Variants in PTPN23 observed in about 807,000 individuals in gnomAD.
The protein encoded by PTPN23 is tyrosine-protein phosphatase non-receptor type 23.
Under a neutral mutation model 156.3 loss-of-function variants are expected in PTPN23, and 72 were observed. The observed-to-expected ratio is 0.46, with a 90% CI of 0.38 to 0.56. PTPN23 has a LOEUF of 0.56. Among genes scored for constraint, PTPN23 ranks in the 20% least tolerant of loss-of-function variants. The pLI, the probability that PTPN23 is intolerant of heterozygous loss-of-function variation, is 0.00. For synonymous variants in PTPN23, 957 were observed against 899.6 expected, an observed-to-expected ratio of 1.06 and a Z score of -1.14; for missense variants, 1,974 against 2,171.5, an observed-to-expected ratio of 0.91 and a Z score of 1.81.
At chr3:47,389,840 C>CAAA (rs34520125) in intron 1 of PTPN23, among the ~76,000 whole-genome samples, 3 of 32,334 alleles carry the variant, frequency 9.3e-5, no homozygotes, top group Non-Finnish European at 2.0e-4. Context: ...GACTCCGTCT[C>CAAA]AAAAAAAAAA....
rs1455715076 is a variant in PTPN23 at position 47,412,711 on chromosome 3, C to T, written c.4437C>T (p.His1479=). Residue 1479 remains histidine, a synonymous_variant, in exon 25 of 25, where the codon CAC becomes CAT. Coordinates refer to ENST00000265562, the MANE Select transcript of PTPN23 (RefSeq NM_015466.4). ...CACTCACTCTGTCTTCTCAGAACCA[C>T]CTTCCTCAGGACTCCCAGGACCTGG... is the stretch of plus-strand genomic sequence containing the variant. ...LASASISQKN[H]LPQDSQDLVL... is the part of the protein sequence containing the mutation. The T allele has an allele frequency of 3.8e-6, 6 of 1,597,352 alleles. No individual in the cohort carries two copies. Among genetic ancestry groups the T allele is most frequent in the Non-Finnish European group, 5.1e-6 (6 of 1,169,312 alleles).
At position 47,406,682 on chromosome 3, in the gene PTPN23, G is replaced by C; in HGVS notation, c.760-21G>C. The C allele has an allele frequency of 6.2e-7, 1 of 1,614,014 alleles. No homozygotes were observed. Among genetic ancestry groups the C allele is most frequent in the Non-Finnish European group, 8.5e-7 (1 of 1,179,984 alleles). ...GCCACAGCTCAGGAAGCAAGTCGTG[G>C]CGTCTCTTCTTCTTTCCCAGCTGCA... On this transcript the variant is annotated intron_variant, in intron 8 of 24. Transcript: ENST00000265562. This position sits in a 1 kb window ranked among gnomAD's most constrained non-coding sequence, Gnocchi z 5.8.
At position 47,412,236 on chromosome 3, in the gene PTPN23, C is replaced by G. The variant is rs768974271; in HGVS notation, c.4178+38C>G. 8.7e-6 allele frequency: 14 copies of G among 1,613,198 alleles called. No individual in the cohort carries two copies. The African/African-American group carries it at 1.6e-4, about 18-fold the overall frequency. ...CCTGAGGGTCTCTCCTCTATGGGCT[C>G]TTGGCCTAGCCTCATACCCCGGCCT... On this transcript the variant is annotated intron_variant, in intron 22 of 24. Transcript: ENST00000265562.
chr3:47,411,936 G>T lies in PTPN23; in HGVS notation c.4042G>T (p.Val1348Leu). Reference protein sequence around the residue: ...FRDQSLKRSLVHLHFPTWPEL... With the variant: ...FRDQSLKRSLLHLHFPTWPEL... Reference sequence around the variant, plus strand: ...AGACCAGAGCCTCAAGCGCTCTCTTGTGCACCTGCACTTCCCCACTTGGCC... The same window carrying T: ...AGACCAGAGCCTCAAGCGCTCTCTTTTGCACCTGCACTTCCCCACTTGGCC... The change falls in exon 21 of 25, where the codon GTG becomes TTG. Residue 1348 changes from valine (V) to leucine (L), a missense_variant. Transcript: ENST00000265562. This position sits in a 1 kb window ranked among gnomAD's most constrained non-coding sequence, Gnocchi z 6.3. 6.2e-7 allele frequency: 1 copy of T among 1,612,970 alleles called. No homozygotes were observed. The highest frequency in any genetic ancestry group is 2.2e-5 in the East Asian group (1 of 44,876).
chr3:47,395,093 A>G (rs1704851469), intron 1 of PTPN23, among the ~76,000 whole-genome samples: 1 of 152,206 alleles, frequency 6.6e-6, no homozygotes, highest in South Asian at 2.1e-4. Context: ...CCAGGCAGAC[A>G]GAAGCTGTCA....
Position 47,412,166 on chromosome 3 carries a change from G to T in PTPN23, c.4146G>T (p.Arg1382=). 1 of 1,613,212 alleles carries T rather than the reference G, an allele frequency of 6.2e-7. No individual in the cohort carries two copies. Among genetic ancestry groups the T allele is most frequent in the Non-Finnish European group, 8.5e-7 (1 of 1,180,038 alleles). The change falls in exon 22 of 25, where the codon CGG becomes CGT. Residue 1382 remains arginine, a synonymous_variant. Transcript: ENST00000265562. ...TGCACGCACATTACCTGCATCAGCG[G>T]CCGCTGCACACGCCCATCATTGTGC... The part of the protein sequence containing the change: ...QEVHAHYLHQ[R]PLHTPIIVHC...
At chr3:47,388,280 C>T (rs1254622759) in intron 1 of PTPN23, among the ~76,000 whole-genome samples, 1 of 152,170 alleles carries the variant, frequency 6.6e-6, no homozygotes, top group South Asian at 2.1e-4. Context: ...ACGATCTTGG[C>T]ACACTGCAGC....
chr3:47,412,389 C>T lies in PTPN23; in HGVS notation c.4285C>T (p.Arg1429Trp), dbSNP rs200695676. ...GCTGCCTCAGCTGGTGCGGCGCATG[C>T]GGCAGCAGAGAAAGCACATGCTGCA... ...PELPQLVRRM[R>W]QQRKHMLQEK... Residue 1429 changes from arginine to tryptophan, a missense_variant, in exon 23 of 25, where the codon CGG becomes TGG. Arg to Trp is a moderately radical substitution (Grantham distance 101). Coordinates refer to ENST00000265562, the MANE Select transcript of PTPN23 (RefSeq NM_015466.4). 26 of 1,612,986 alleles carry T rather than the reference C, an allele frequency of 1.6e-5. No individual in the cohort carries two copies. The highest frequency in any genetic ancestry group is 1.7e-5 in the Admixed American group (1 of 60,004).
At position 47,412,874 on chromosome 3, in the gene PTPN23, C is replaced by T. The variant is rs2107729633; in HGVS notation, c.4600C>T (p.Leu1534Phe). The T allele has an allele frequency of 1.2e-6, 2 of 1,612,322 alleles. No individual in the cohort carries two copies. The highest frequency in any genetic ancestry group is 1.3e-5 in the African/African-American group (1 of 74,988). Residue 1534 changes from leucine (L) to phenylalanine (F), a missense_variant, in exon 25 of 25, where the codon CTC (leucine) becomes TTC (phenylalanine). Leu to Phe is a conservative substitution (Grantham distance 22). Transcript: ENST00000265562. ...GCCCCCAGGCCTCCCGCCAGCCAGCCTCCCAGAGTCTACCCCAATCCCATC... is the reference window on the plus strand; with the variant it reads ...GCCCCCAGGCCTCCCGCCAGCCAGCTTCCCAGAGTCTACCCCAATCCCATC... Reference protein sequence around the residue: ...AEPPGLPPASLPESTPIPSSS... With the variant: ...AEPPGLPPASFPESTPIPSSS...
At position 47,411,338 on chromosome 3, in the gene PTPN23, C is replaced by G. The variant is rs769105075; in HGVS notation, c.3540C>G (p.Ala1180=). Residue 1180 remains alanine (A), a synonymous_variant, in exon 20 of 25, where the codon GCC becomes GCG. Transcript: ENST00000265562. The surrounding 1 kb of genome is among the most constrained non-coding windows in gnomAD (Gnocchi z 6.3). ...GGCAGTTGCAGCAGGAGCTGGAGGC[C>G]TTTCGGGGTCAGCTGGGGGATGTGG... ...RLRQLQQELE[A]FRGQLGDVGA... is the part of the protein sequence containing the mutation. 4.3e-6 allele frequency: 7 copies of G among 1,612,932 alleles called. No individual in the cohort carries two copies. The highest frequency in any genetic ancestry group is 5.1e-6 in the Non-Finnish European group (6 of 1,180,018).
chr3:47,412,878 CAG>C lies in PTPN23; in HGVS notation c.4607_4608del (p.Glu1536ValfsTer18), dbSNP rs1232002021. 1 of 1,612,194 alleles carries C rather than the reference CAG, an allele frequency of 6.2e-7. No individual in the cohort carries two copies. Among genetic ancestry groups the C allele is most frequent in the Non-Finnish European group, 8.5e-7 (1 of 1,178,876 alleles). On this transcript the variant is annotated frameshift_variant, in exon 25 of 25. Coordinates refer to ENST00000265562, the MANE Select transcript of PTPN23 (RefSeq NM_015466.4). LOFTEE classifies it high-confidence loss of function. ...CCAGGCCTCCCGCCAGCCAGCCTCC[CAG>C]AGTCTACCCCAATCCCATCTTCCTC... is the stretch of plus-strand genomic sequence containing the variant.
chr3:47,404,839 C>T, intron 3 of PTPN23, 60 bp downstream of exon 3: 1 of 1,590,556 alleles, frequency 6.3e-7, no homozygotes, highest in Non-Finnish European at 8.6e-7. Context: ...GGGGGTGCTC[C>T]TCCCCTCCCT....
In PTPN23 at chr3:47,412,706, AACCACCTTCCTCAGG is replaced by A. The variant is rs752850409; in HGVS notation, c.4435_4449del (p.His1479_Asp1483del). The A allele has an allele frequency of 1.3e-6, 2 of 1,597,360 alleles. No homozygotes were observed. The highest frequency in any genetic ancestry group is 1.7e-6 in the Non-Finnish European group (2 of 1,169,336). ...CTCCTCACTCACTCTGTCTTCTCAGAACCACCTTCCTCAGGACTCCCAGGACCTGGTCCTCGGTGG... is the reference window on the plus strand; with the variant it reads ...CTCCTCACTCACTCTGTCTTCTCAGAACTCCCAGGACCTGGTCCTCGGTGG... On this transcript the variant is annotated inframe_deletion and splice_region_variant, in exon 25 of 25. Transcript: ENST00000265562.
At chr3:47,385,069 C>A (rs935993527) in intron 1 of PTPN23, among the ~76,000 whole-genome samples, 1 of 152,084 alleles carries the variant, frequency 6.6e-6, no homozygotes, top group Non-Finnish European at 1.5e-5. Flanking sequence ...GCCAGACCCA[C>A]GTAATTTTTT....
chr3:47,408,281 TC>T (rs1705177572), intron 14 of PTPN23, 63 bp from the exon 15 acceptor site: 8 of 1,575,142 alleles, frequency 5.1e-6, no homozygotes, highest in Non-Finnish European at 6.9e-6. Flanking sequence ...CCCTAGCGGC[TC>T]CTTTGACATG....
In PTPN23 at chr3:47,408,437, C is replaced by T. The variant is rs200611661; in HGVS notation, c.1277C>T (p.Ala426Val). ...HIPPQLMEKCAALSVRPDTVR... is the reference protein window; with the variant it reads ...HIPPQLMEKCVALSVRPDTVR... ...CCACCCCAGCTCATGGAGAAGTGCG[C>T]GGCTCTCAGCGTCCGGCCCGACACT... The change falls in exon 15 of 25, where the codon GCG becomes GTG. Residue 426 changes from alanine (A) to valine (V), a missense_variant. Ala to Val is a moderately conservative substitution (Grantham distance 64). Coordinates refer to ENST00000265562, the MANE Select transcript of PTPN23 (RefSeq NM_015466.4). 8.1e-6 allele frequency: 13 copies of T among 1,613,998 alleles called. No individual in the cohort carries two copies. Among genetic ancestry groups the T allele is most frequent in the Admixed American group, 5.0e-5 (3 of 59,994 alleles).
chr3:47,410,669 C>CCATCCT lies in PTPN23; in HGVS notation c.2874_2879dup (p.His958_Pro959dup), dbSNP rs1443473568. ...CAAGGATTGGGCCCCAGCCCCAGCC[C>CCATCCT]CATCCTCAGCCCCATCCTTCACAAG... On this transcript the variant is annotated inframe_insertion, in exon 20 of 25. Transcript: ENST00000265562. 1 of 1,604,694 alleles carries CCATCCT rather than the reference C, an allele frequency of 6.2e-7. No homozygotes were observed. The highest frequency in any genetic ancestry group is 1.1e-5 in the South Asian group (1 of 90,882).
At chr3:47,402,808 C>T (rs1050540131) in intron 2 of PTPN23, among the ~76,000 whole-genome samples, 12 of 152,244 alleles carry the variant, frequency 7.9e-5, no homozygotes, top group South Asian at 2.1e-4. Context: ...CAGATTCAAA[C>T]GATTCTCTTG....
rs1705303517 is a variant in PTPN23 at position 47,411,828 on chromosome 3, G to A, written c.3934G>A (p.Val1312Met). Residue 1312 changes from valine (V) to methionine (M), a missense_variant, in exon 21 of 25, where the codon GTG (valine) becomes ATG (methionine). Physicochemically the swap from Val to Met is conservative, Grantham distance 21. This residue lies in a region of PTPN23 where 484 missense variants were observed against 516.0 expected (regional missense o/e 0.94). Coordinates refer to ENST00000265562, the MANE Select transcript of PTPN23 (RefSeq NM_015466.4). The surrounding 1 kb of genome is among the most constrained non-coding windows in gnomAD (Gnocchi z 6.3). ...CCCCACCGAGAGGGGCCAGCCCATG[G>A]TGCACGGTGCCCTGAGCCTGGCATT... ...YFPTERGQPM[V>M]HGALSLALSS... 1 of 1,613,080 alleles carries A rather than the reference G, an allele frequency of 6.2e-7. No homozygotes were observed. Among genetic ancestry groups the A allele is most frequent in the East Asian group, 2.2e-5 (1 of 44,834 alleles).
Sources: gnomAD v4.1 joint callset for allele counts (sites outside exome capture counted in the v4.1 genomes callset) on GRCh38, gnomAD v4.1.1 for gene constraint, gnomAD v4.1.1 regional missense constraint, Gnocchi (gnomAD v3.1) non-coding constraint, MANE v1.5 for transcripts, NCBI Gene and HGNC (gene_info 2026-07-23, HGNC 2026-07-21) for gene names.